Variants in DPP10 observed in about 807,000 individuals in gnomAD.
The protein encoded by DPP10 is inactive dipeptidyl peptidase 10.
A neutral mutation model predicts 120.9 loss-of-function variants in DPP10; 33 were observed. That is an observed-to-expected ratio of 0.27 (90% CI 0.21 to 0.37). DPP10 has a LOEUF of 0.37. Among genes scored for constraint, DPP10 ranks in the 10% least tolerant of loss-of-function variants. DPP10 has a pLI of 1.00. For missense variants in DPP10, 816 were observed against 942.8 expected (o/e 0.87, Z 1.76); for synonymous variants, 337 against 326.1 (o/e 1.03, Z -0.36).
chr2:115,051,645 A>G (rs55880527), intron 1 of DPP10, among the ~76,000 whole-genome samples: 14,212 of 152,280 alleles, frequency 0.093, 938 homozygotes, highest in Non-Finnish European at 0.13. Flanking sequence ...AAAAGACAAT[A>G]GCAAGAACAA....
At chr2:115,101,323 A>G (rs1455238096) in intron 1 of DPP10, among the ~76,000 whole-genome samples, 1 of 152,090 alleles carries the variant, frequency 6.6e-6, no homozygotes, top group Non-Finnish European at 1.5e-5. Context: ...AAATCACTTG[A>G]TATCTCGTGG....
intron 1 of DPP10, among the ~76,000 whole-genome samples, chr2:114,614,129 G>GTAAAA (rs1311522796): frequency 1.3e-5 from 2 of 152,054 alleles, no homozygotes; most frequent in South Asian, 2.1e-4. Context: ...AGAACTTAAA[G>GTAAAA]TAAAATAAAA....
chr2:114,561,612 C>T (rs1034570302), intron 1 of DPP10, among the ~76,000 whole-genome samples: 2 of 151,554 alleles, frequency 1.3e-5, no homozygotes, highest in African/African-American at 2.4e-5. Flanking sequence ...AGAAAAAATC[C>T]ACCTCCTCCT....
chr2:115,821,972 T>C (rs996911733), intron 21 of DPP10, among the ~76,000 whole-genome samples: 7 of 152,060 alleles, frequency 4.6e-5, no homozygotes, highest in African/African-American at 1.7e-4. Flanking sequence ...ATTCATACTT[T>C]GTATTTTATG....
At chr2:114,663,658 TATATATATATAGAG>T (rs1479652495) in intron 1 of DPP10, among the ~76,000 whole-genome samples, 2 of 91,262 alleles carry the variant, frequency 2.2e-5, no homozygotes, top group Non-Finnish European at 3.9e-5. Context: ...TATATATATA[TATATATATATAGAG>T]AGAGAGAGAG....
At chr2:115,104,519 G>T (rs913973989) in intron 1 of DPP10, among the ~76,000 whole-genome samples, 9 of 152,086 alleles carry the variant, frequency 5.9e-5, no homozygotes, top group African/African-American at 2.2e-4. Context: ...AGCCTCCTTA[G>T]TGATAATATA....
At chr2:115,601,871 C>A (rs971532946) in intron 5 of DPP10, among the ~76,000 whole-genome samples, 1 of 148,610 alleles carries the variant, frequency 6.7e-6, no homozygotes, top group Admixed American at 6.7e-5. Flanking sequence ...TTAATAGAGA[C>A]GGGGTTTCAC....
At chr2:114,471,439 C>A (rs541171999) in intron 1 of DPP10, among the ~76,000 whole-genome samples, 130 of 152,216 alleles carry the variant, frequency 8.5e-4, no homozygotes, top group Non-Finnish European at 1.6e-3. Context: ...GGGATGGTAA[C>A]AAGATTGAGC....
At chr2:115,397,051 T>G (rs1467259787) in intron 3 of DPP10, among the ~76,000 whole-genome samples, 1 of 152,210 alleles carries the variant, frequency 6.6e-6, no homozygotes, top group African/African-American at 2.4e-5. Flanking sequence ...AAACATGATG[T>G]GAACATTGAC....
intron 3 of DPP10, among the ~76,000 whole-genome samples, chr2:115,425,443 A>G (rs1224611143): frequency 1.3e-5 from 2 of 152,182 alleles, no homozygotes; most frequent in South Asian, 2.1e-4. Flanking sequence ...TAAGGTACTT[A>G]CCTTTTCACT....
intron 8 of DPP10, among the ~76,000 whole-genome samples, chr2:115,736,366 A>G (rs188021040): frequency 2.0e-5 from 3 of 152,286 alleles, no homozygotes; most frequent in South Asian, 2.1e-4. Flanking sequence ...AGAGCAGACT[A>G]TTTTACTCCT....
intron 1 of DPP10, among the ~76,000 whole-genome samples, chr2:114,787,118 C>G (rs1020239529): frequency 6.6e-6 from 1 of 152,090 alleles, no homozygotes; most frequent in Non-Finnish European, 1.5e-5. Context: ...TAGAAAATGA[C>G]TGGGGTAGGG....
intron 9 of DPP10, among the ~76,000 whole-genome samples, chr2:115,745,599 G>T (rs1190437545): frequency 6.6e-6 from 1 of 150,544 alleles, no homozygotes; most frequent in Non-Finnish European, 1.5e-5. Context: ...ATACATTACG[G>T]TTTTGGAATT....
chr2:115,058,313 C>T (rs1465389749), intron 1 of DPP10, among the ~76,000 whole-genome samples: 1 of 145,366 alleles, frequency 6.9e-6, no homozygotes, highest in East Asian at 2.1e-4. Flanking sequence ...AGGCACACTC[C>T]TAGTTAACAC....
intron 1 of DPP10, among the ~76,000 whole-genome samples, chr2:114,832,391 C>T (rs927017888): frequency 2.0e-5 from 3 of 152,086 alleles, no homozygotes; most frequent in African/African-American, 4.8e-5. Flanking sequence ...AAAAATTAGC[C>T]GGGCGTGTTG....
At chr2:114,818,619 T>A (rs1195116992) in intron 1 of DPP10, among the ~76,000 whole-genome samples, 1 of 152,022 alleles carries the variant, frequency 6.6e-6, no homozygotes, top group African/African-American at 2.4e-5. Context: ...TTATTATAGA[T>A]CTTATTTAGG....
chr2:115,229,928 T>G (rs2057654012), intron 1 of DPP10, among the ~76,000 whole-genome samples: 2 of 151,858 alleles, frequency 1.3e-5, no homozygotes, highest in Admixed American at 1.3e-4. Flanking sequence ...CACGTAAATT[T>G]TAGGATTGTA....
At chr2:115,144,776 T>A (rs1055254716) in intron 1 of DPP10, 4 of 151,702 alleles carry the variant, frequency 2.6e-5, no homozygotes, top group Non-Finnish European at 5.9e-5. Context: ...GTAACTAACC[T>A]GCACATTGTG....
intron 1 of DPP10, among the ~76,000 whole-genome samples, chr2:114,570,849 A>G (rs1487473602): frequency 6.6e-6 from 1 of 151,032 alleles, no homozygotes; most frequent in Non-Finnish European, 1.5e-5. Flanking sequence ...AAAAAAAAAA[A>G]AAAAAAAAAA....
Sources: gnomAD v4.1 joint callset for allele counts (sites outside exome capture counted in the v4.1 genomes callset) on GRCh38, gnomAD v4.1.1 for gene constraint, MANE v1.5 for transcripts, NCBI Gene and HGNC (gene_info 2026-07-23, HGNC 2026-07-21) for gene names.